FAM169A: variants seen among roughly 807,000 people sequenced by gnomAD.
FAM169A encodes the protein family with sequence similarity 169 member A, also known as soluble lamin-associated protein of 75 kDa.
FAM169A carries 24 observed loss-of-function variants against 75.7 expected under a neutral mutation model. The observed-to-expected ratio is 0.32, with a 90% CI of 0.23 to 0.45. The LOEUF (loss-of-function observed/expected upper bound fraction) is 0.45. Among genes scored for constraint, FAM169A ranks in the 20% least tolerant of loss-of-function variants. The pLI is 1.00. For missense variants in FAM169A, 673 were observed against 784.0 expected (o/e 0.86, Z 1.69); for synonymous variants, 271 against 271.0 (o/e 1.00, Z 0.00).
At chr5:74,866,800 T>C (rs944891638), upstream of FAM169A, 2 of 985,440 alleles carry the variant, frequency 2.0e-6, no homozygotes, top group African/African-American at 3.5e-5. Flanking sequence ...CAGCCCCGCG[T>C]AGGCCCTCCT....
chr5:74,821,732 C>T (rs1747776156), intron 5 of FAM169A, among the ~76,000 whole-genome samples: 1 of 152,186 alleles, frequency 6.6e-6, no homozygotes, highest in Non-Finnish European at 1.5e-5. Context: ...TGGTTTCCTC[C>T]TCACAATCAT....
intron 1 of FAM169A, among the ~76,000 whole-genome samples, chr5:74,843,529 T>C (rs73120624): frequency 0.024 from 3,645 of 152,278 alleles, 145 homozygotes; most frequent in African/African-American, 0.084. Flanking sequence ...CCTATGGAAA[T>C]TGAGTATGTA....
At chr5:74,824,333 C>T (rs145160224) in intron 5 of FAM169A, among the ~76,000 whole-genome samples, 1 of 152,244 alleles carries the variant, frequency 6.6e-6, no homozygotes, top group Non-Finnish European at 1.5e-5. Context: ...CACTAAAATA[C>T]GGTATGCTAT....
rs1328833494 is a variant in FAM169A at position 74,784,506 on chromosome 5, G to A, written c.1261-1372C>T. ...GCCAAGGGAGACAGAGCAAGACTCC[G>A]TCTCAAAAAAAAAAAAAAAAAAACA... On this transcript the variant is annotated intron_variant, in intron 11 of 12. Transcript: ENST00000687041. 2.1e-3 allele frequency among the ~76,000 whole-genome samples: 111 copies of A among 51,810 alleles called. No individual in the cohort carries two copies. The African/African-American group carries it at 0.022, about 10-fold the overall frequency. 34.0% of individuals were successfully genotyped at this position (51,810 alleles called of 152,430 possible).
At chr5:74,793,364 A>C (rs1344558728) in intron 11 of FAM169A, among the ~76,000 whole-genome samples, 1 of 152,072 alleles carries the variant, frequency 6.6e-6, no homozygotes, top group Admixed American at 6.5e-5. Flanking sequence ...AGACCATGGA[A>C]TACTACTCAG....
At chr5:74,830,864 G>A (rs1297134185) in intron 5 of FAM169A, among the ~76,000 whole-genome samples, 3 of 151,770 alleles carry the variant, frequency 2.0e-5, no homozygotes, top group South Asian at 4.2e-4. Flanking sequence ...TCATAATTTC[G>A]CCTATTGAGA....
intron 1 of FAM169A, among the ~76,000 whole-genome samples, chr5:74,859,660 C>T (rs1749932955): frequency 6.6e-6 from 1 of 152,124 alleles, no homozygotes; most frequent in Admixed American, 6.5e-5. Context: ...AAATCAAAAG[C>T]TGTGATTGAT....
chr5:74,839,268 C>T (rs868420902), intron 3 of FAM169A, among the ~76,000 whole-genome samples: 1 of 152,182 alleles, frequency 6.6e-6, no homozygotes. Context: ...TCATCTTGAA[C>T]TGTAATCCCC....
intron 1 of FAM169A, among the ~76,000 whole-genome samples, chr5:74,865,091 T>C (rs1750245670): frequency 6.6e-6 from 1 of 152,200 alleles, no homozygotes; most frequent in Non-Finnish European, 1.5e-5. Context: ...GCACTCCCGA[T>C]TGTAATCCCT....
chr5:74,810,577 G>A (rs1747125860), intron 6 of FAM169A, among the ~76,000 whole-genome samples: 1 of 151,602 alleles, frequency 6.6e-6, no homozygotes, highest in Non-Finnish European at 1.5e-5. Flanking sequence ...GTGAAACCCT[G>A]TCTCTACTAA....
rs1750266718 is a variant in FAM169A at position 74,865,397 on chromosome 5, G to A, written c.-4+768C>T. On this transcript the variant is annotated intron_variant, in intron 1 of 12. Coordinates refer to ENST00000687041, the MANE Select transcript of FAM169A (RefSeq NM_001376049.1). ...TGACCTGCATCAGGTGGTTATCTTC[G>A]AATCCACCCGATACGATACCCACGC... The A allele has an allele frequency of 4.6e-5, 7 of 151,992 alleles. 1 individual carries two copies. The highest frequency in any genetic ancestry group is 4.6e-4 in the Admixed American group (7 of 15,276). The allele number at this position is 151,992 out of a possible 1,614,324, so 9.4% of individuals were successfully genotyped here. A position where few individuals can be genotyped will look rare whatever the true frequency, so the allele number is the denominator to read the frequency against.
chr5:74,815,383 G>C (rs1334183073), intron 5 of FAM169A, among the ~76,000 whole-genome samples: 1 of 151,860 alleles, frequency 6.6e-6, no homozygotes, highest in African/African-American at 2.4e-5. Flanking sequence ...AGAGACAGGG[G>C]TTTCACCATG....
chr5:74,820,760 G>C (rs779040266), intron 5 of FAM169A, among the ~76,000 whole-genome samples: 7 of 152,104 alleles, frequency 4.6e-5, no homozygotes, highest in Non-Finnish European at 8.8e-5. Context: ...AGACAAACCA[G>C]ATGTTACTCC....
chr5:74,857,572 G>GAAAAAAA (rs35476827), intron 1 of FAM169A, among the ~76,000 whole-genome samples: 3 of 56,308 alleles, frequency 5.3e-5, no homozygotes, highest in Non-Finnish European at 7.6e-5. Flanking sequence ...CTTGCCGCGG[G>GAAAAAAA]AAAAAAAAAA....
At position 74,850,980 on chromosome 5, in the gene FAM169A, G is replaced by A. The variant is rs140547945; in HGVS notation, c.-3-9301C>T. Reference sequence around the variant, plus strand: ...CACCCAGGCTGGAGTGCAGTGGCACGAACATAGCTCACTATAGCCTCAAAC... The same window carrying A: ...CACCCAGGCTGGAGTGCAGTGGCACAAACATAGCTCACTATAGCCTCAAAC... On this transcript the variant is annotated intron_variant, in intron 1 of 12. Coordinates refer to ENST00000687041, the MANE Select transcript of FAM169A (RefSeq NM_001376049.1). Among the ~76,000 whole-genome samples, 1,442 of 152,220 alleles carry A rather than the reference G, an allele frequency of 9.5e-3. 26 individuals carry two copies. The highest frequency in any genetic ancestry group is 0.033 in the African/African-American group (1,389 of 41,522).
At chr5:74,838,474 G>C (rs182497535) in intron 4 of FAM169A, among the ~76,000 whole-genome samples, 8 of 152,242 alleles carry the variant, frequency 5.3e-5, no homozygotes, top group African/African-American at 1.7e-4. Flanking sequence ...ATGAAAACCA[G>C]CTTCCTTCCT....
chr5:74,797,891 T>C (rs1415598767), intron 10 of FAM169A, among the ~76,000 whole-genome samples: 1 of 152,002 alleles, frequency 6.6e-6, no homozygotes, highest in Non-Finnish European at 1.5e-5. Flanking sequence ...AGCTTAATAA[T>C]ATATAAAAAT....
chr5:74,790,545 C>A (rs2084118), intron 11 of FAM169A, among the ~76,000 whole-genome samples: 35,174 of 152,090 alleles, frequency 0.23, 4,291 homozygotes, highest in Middle Eastern at 0.3. Flanking sequence ...TTTGTATCCC[C>A]TGTGAGTACT....
intron 12 of FAM169A, 46 bp from the exon 13 acceptor site, chr5:74,782,054 C>A (rs543744953): frequency 1.4e-4 from 196 of 1,437,668 alleles, no homozygotes; most frequent in Non-Finnish European, 1.8e-4. Context: ...TACTACAGTT[C>A]TAAAAATAAA....
Sources: gnomAD v4.1 joint callset for allele counts (sites outside exome capture counted in the v4.1 genomes callset) on GRCh38, gnomAD v4.1.1 for gene constraint, MANE v1.5 for transcripts, NCBI Gene and HGNC (gene_info 2026-07-23, HGNC 2026-07-21) for gene names.